CSMD1: variants seen among roughly 807,000 people sequenced by gnomAD.
CSMD1 encodes the protein CUB and sushi domain-containing protein 1.
In CSMD1, 213 loss-of-function variants were observed where a neutral mutation model predicts 417.5. The observed-to-expected ratio is 0.51, with a 90% CI of 0.46 to 0.57. The LOEUF (loss-of-function observed/expected upper bound fraction) is 0.57. Ranked by LOEUF, CSMD1 falls within the 20% of genes least tolerant of loss-of-function variation. The pLI, the probability that CSMD1 is intolerant of heterozygous loss-of-function variation, is 0.00. For missense variants in CSMD1, 6,923 were observed against 4,529.7 expected, an observed-to-expected ratio of 1.53 and a Z score of -15.17; for synonymous variants, 2,862 against 1,736.8, an observed-to-expected ratio of 1.65 and a Z score of -16.11.
intron 7 of CSMD1, among the ~76,000 whole-genome samples, chr8:3,625,552 A>G (rs1338089318): frequency 6.6e-6 from 1 of 152,138 alleles, no homozygotes; most frequent in African/African-American, 2.4e-5. Context: ...CTCAACTGCC[A>G]TGGTCTTAAA....
chr8:4,164,795 G>C (rs909968814), intron 3 of CSMD1, among the ~76,000 whole-genome samples: 2 of 151,888 alleles, frequency 1.3e-5, no homozygotes, highest in Admixed American at 6.6e-5. Flanking sequence ...AGAATGGCGT[G>C]AAATCCAGAG....
chr8:4,812,056 T>G (rs1232438928), intron 1 of CSMD1, among the ~76,000 whole-genome samples: 1 of 152,226 alleles, frequency 6.6e-6, no homozygotes, highest in East Asian at 1.9e-4. Context: ...TCCTGTCATT[T>G]ATAAAACTTT....
chr8:3,624,696 T>G lies in CSMD1; in HGVS notation c.1010-7899A>C, dbSNP rs547144606. ...TCCCCAGTGTATTGATGAGCTTTGT[T>G]TGAGTGACAGCCCACTCTAGGATAT... On this transcript the variant is annotated intron_variant, in intron 7 of 69. Transcript: ENST00000635120. Among the ~76,000 whole-genome samples the G allele has an allele frequency of 3.2e-3, 487 of 152,308 alleles. 2 individuals are homozygous for G. Among genetic ancestry groups the G allele is most frequent in the African/African-American group, 0.01 (417 of 41,568 alleles).
At chr8:4,502,969 A>G (rs1340190586) in intron 2 of CSMD1, among the ~76,000 whole-genome samples, 1 of 152,194 alleles carries the variant, frequency 6.6e-6, no homozygotes, top group Non-Finnish European at 1.5e-5. Context: ...AAGAGATTAA[A>G]CAGCCTGAAA....
intron 3 of CSMD1, among the ~76,000 whole-genome samples, chr8:4,321,053 C>T (rs531828658): frequency 2.0e-5 from 3 of 152,262 alleles, no homozygotes; most frequent in Non-Finnish European, 4.4e-5. Flanking sequence ...TTGTTTTACA[C>T]ACAGATCTCT....
intron 1 of CSMD1, among the ~76,000 whole-genome samples, chr8:4,986,277 G>C (rs74931445): frequency 0.034 from 5,164 of 152,238 alleles, 106 homozygotes; most frequent in Middle Eastern, 0.13. Flanking sequence ...TATCAAGGAG[G>C]TGTAATTTTA....
At chr8:3,248,447 T>G (rs1005447344) in intron 26 of CSMD1, among the ~76,000 whole-genome samples, 1 of 150,136 alleles carries the variant, frequency 6.7e-6, no homozygotes, top group African/African-American at 2.5e-5. Flanking sequence ...GCTGGAAGTG[T>G]GAGACAGACA....
rs898161206 is a variant in CSMD1, at chr8:4,742,743, A to C, written c.86-105185T>G. Among the ~76,000 whole-genome samples the C allele has an allele frequency of 2.0e-5, 3 of 152,314 alleles. No homozygotes were observed. The East Asian group carries it at 5.8e-4, about 29-fold the overall frequency. ...GAAAATGGCAAGTGGCAGAAAGAAAAACAAATGTATGGTCTATTAAATGCC... is the reference window on the plus strand; with the variant it reads ...GAAAATGGCAAGTGGCAGAAAGAAACACAAATGTATGGTCTATTAAATGCC... On this transcript the variant is annotated intron_variant, in intron 1 of 69. Transcript: ENST00000635120.
In CSMD1 at chr8:3,165,818, G is replaced by T. The variant is rs539457639; in HGVS notation, c.5726-3541C>A. On this transcript the variant is annotated intron_variant, in intron 37 of 69. Coordinates refer to ENST00000635120, the MANE Select transcript of CSMD1 (RefSeq NM_033225.6). Reference sequence around the variant, plus strand: ...AAAATAGGGCAAGAGTGGAGCACAGGAGAACTCTGAGCTTTTTGGGAATGC... The same window carrying T: ...AAAATAGGGCAAGAGTGGAGCACAGTAGAACTCTGAGCTTTTTGGGAATGC... Among the ~76,000 whole-genome samples, 4 of 152,186 alleles carry T rather than the reference G, an allele frequency of 2.6e-5. No homozygotes were observed. The South Asian group carries it at 8.3e-4, about 32-fold the overall frequency.
Position 2,990,046 on chromosome 8 carries a change from G to A in CSMD1, c.8377+7965C>T, listed in dbSNP as rs574656560. On this transcript the variant is annotated intron_variant, in intron 54 of 69. Coordinates refer to ENST00000635120, the MANE Select transcript of CSMD1 (RefSeq NM_033225.6). ...TGTTCTGATACACCTAAGACGTGAA[G>A]ACATAATTATGCTGTCCCCCTGTGT... is the stretch of plus-strand genomic sequence containing the variant. Among the ~76,000 whole-genome samples, 4 of 152,344 alleles carry A rather than the reference G, an allele frequency of 2.6e-5. No homozygotes were observed. The East Asian group carries it at 7.7e-4, about 29-fold the overall frequency.
intron 38 of CSMD1, 137 bp from the exon 39 acceptor site, chr8:3,158,103 G>A: frequency 8.5e-6 from 6 of 703,922 alleles, no homozygotes; most frequent in Non-Finnish European, 1.4e-5. Flanking sequence ...TGTGAAATCT[G>A]TTTTTAGTAA....
intron 37 of CSMD1, among the ~76,000 whole-genome samples, chr8:3,163,686 A>G (rs1820036056): frequency 1.3e-5 from 2 of 152,046 alleles, no homozygotes; most frequent in South Asian, 4.2e-4. Flanking sequence ...GCCACCAAGC[A>G]CGAGACCCAG....
At chr8:4,450,286 C>G (rs1563187674) in intron 2 of CSMD1, among the ~76,000 whole-genome samples, 1 of 152,160 alleles carries the variant, frequency 6.6e-6, no homozygotes, top group Non-Finnish European at 1.5e-5. Context: ...TGGGAGAAAG[C>G]TGTGCACTGT....
chr8:4,878,345 A>T (rs113707715), intron 1 of CSMD1, among the ~76,000 whole-genome samples: 1 of 152,122 alleles, frequency 6.6e-6, no homozygotes, highest in African/African-American at 2.4e-5. Context: ...AAATGTACAC[A>T]TAAGTTGTGT....
chr8:3,923,326 AC>A (rs1809411526), intron 5 of CSMD1, among the ~76,000 whole-genome samples: 1 of 152,164 alleles, frequency 6.6e-6, no homozygotes, highest in African/African-American at 2.4e-5. Flanking sequence ...ATGTATATAT[AC>A]ACATACATCC....
At chr8:4,681,476 G>A (rs901767359) in intron 1 of CSMD1, among the ~76,000 whole-genome samples, 1 of 152,114 alleles carries the variant, frequency 6.6e-6, no homozygotes, top group Non-Finnish European at 1.5e-5. Context: ...AACCACAAAT[G>A]GTGAGCACAA....
intron 5 of CSMD1, among the ~76,000 whole-genome samples, chr8:3,945,437 T>C (rs748216561): frequency 1.8e-4 from 27 of 152,122 alleles, no homozygotes; most frequent in Non-Finnish European, 2.9e-4. Flanking sequence ...ATAACTTCAA[T>C]AGTCTAACTG....
At chr8:4,717,544 GTCTA>G (rs1808754669) in intron 1 of CSMD1, among the ~76,000 whole-genome samples, 1 of 133,592 alleles carries the variant, frequency 7.5e-6, no homozygotes, top group Admixed American at 7.2e-5. Context: ...CTGTCTGTCT[GTCTA>G]CCTATCTATC....
intron 15 of CSMD1, among the ~76,000 whole-genome samples, chr8:3,400,109 G>A (rs764841229): frequency 1.3e-5 from 2 of 152,152 alleles, no homozygotes; most frequent in Non-Finnish European, 2.9e-5. Flanking sequence ...TTGTGACAGT[G>A]ATTTGTAATT....
Sources: gnomAD v4.1 joint callset for allele counts (sites outside exome capture counted in the v4.1 genomes callset) on GRCh38, gnomAD v4.1.1 for gene constraint, MANE v1.5 for transcripts, NCBI Gene and HGNC (gene_info 2026-07-23, HGNC 2026-07-21) for gene names.